The following TANC1 variants were observed in gnomAD, a reference collection of about 807,000 sequenced individuals.
TANC1 encodes the protein tetratricopeptide repeat, ankyrin repeat and coiled-coil containing 1, also known as protein TANC1.
In TANC1, 77 loss-of-function variants were observed where a neutral mutation model predicts 149.7. The observed-to-expected ratio is 0.51, with a 90% CI of 0.43 to 0.62. The LOEUF (loss-of-function observed/expected upper bound fraction) is 0.62, where lower values mean the gene tolerates loss of function less well. TANC1 is among the 20% of genes least tolerant of loss of function. TANC1 has a pLI of 0.00. For missense variants in TANC1, 1,985 were observed against 2,321.8 expected (o/e 0.85, Z 2.98); for synonymous variants, 854 against 925.0 (o/e 0.92, Z 1.39).
chr2:159,167,166 T>G (rs2054686398), intron 8 of TANC1, among the ~76,000 whole-genome samples: 1 of 152,236 alleles, frequency 6.6e-6, no homozygotes, highest in African/African-American at 2.4e-5. Flanking sequence ...AAAGCATCTT[T>G]TTATTCTCTA....
intron 2 of TANC1, among the ~76,000 whole-genome samples, chr2:159,056,449 C>T (rs1195470784): frequency 3.9e-5 from 6 of 152,074 alleles, no homozygotes; most frequent in Admixed American, 6.5e-5. Flanking sequence ...GTAGCTGAGA[C>T]TACAGGCGCC....
Position 159,169,519 on chromosome 2 carries a change from C to CT in TANC1, c.1069+148dup, listed in dbSNP as rs920252561. ...GCTAAAAGCATATCTGTGAGGTGTG[C>CT]TAAGAGGTCATCCTCAACAGTTTGG... On this transcript the variant is annotated intron_variant, in intron 9 of 26. Transcript: ENST00000263635. 10 of 785,988 alleles carry CT rather than the reference C, an allele frequency of 1.3e-5. No homozygotes were observed. The Admixed American group carries it at 2.7e-4, about 21-fold the overall frequency. 48.7% of individuals were successfully genotyped at this position (785,988 alleles called of 1,614,324 possible). A position where few individuals can be genotyped will look rare whatever the true frequency, so the allele number is the denominator to read the frequency against.
chr2:159,201,356 C>T (rs982467785), intron 19 of TANC1, among the ~76,000 whole-genome samples: 3 of 152,262 alleles, frequency 2.0e-5, no homozygotes, highest in South Asian at 2.1e-4. Flanking sequence ...GGTCTGTTAC[C>T]GACCCTAAAT....
chr2:159,183,787 G>A (rs888379437), intron 14 of TANC1, among the ~76,000 whole-genome samples: 1 of 152,120 alleles, frequency 6.6e-6, no homozygotes, highest in Non-Finnish European at 1.5e-5. Flanking sequence ...GAGAAATTGG[G>A]AATGTAAGGA....
chr2:158,975,077 A>G (rs1016856769), intron 1 of TANC1, among the ~76,000 whole-genome samples: 2 of 151,980 alleles, frequency 1.3e-5, no homozygotes, highest in Non-Finnish European at 2.9e-5. Context: ...TCATCTCTAG[A>G]TTATTTATAA....
intron 2 of TANC1, among the ~76,000 whole-genome samples, chr2:159,031,918 C>G (rs1290480632): frequency 6.6e-6 from 1 of 152,152 alleles, no homozygotes; most frequent in African/African-American, 2.4e-5. Flanking sequence ...TCACAGAATC[C>G]TAACATTTAA....
chr2:159,123,437 T>TA (rs1471767010), intron 4 of TANC1, among the ~76,000 whole-genome samples: 14 of 152,212 alleles, frequency 9.2e-5, no homozygotes, highest in African/African-American at 3.1e-4. Context: ...GAGCACCTTC[T>TA]AATCAGTGGA....
intron 4 of TANC1, among the ~76,000 whole-genome samples, chr2:159,127,678 A>G (rs976107512): frequency 3.3e-5 from 5 of 151,836 alleles, no homozygotes; most frequent in African/African-American, 1.2e-4. Flanking sequence ...ATGAGAACAC[A>G]TGGAGAAGAA....
rs780332052 is a variant in TANC1 at position 159,097,649 on chromosome 2, G to T, written c.74G>T (p.Gly25Val). Residue 25 changes from glycine to valine, a missense_variant, in exon 4 of 27, where the codon GGT (glycine) becomes GTT (valine). This residue lies in a region of TANC1 where 557 missense variants were observed against 612.9 expected (regional missense o/e 0.91). Transcript: ENST00000263635. ...CTCTCTACTCTAGGAAGTGACTTTG[G>T]TCCAGAGACTTCTCCAGTCCTGCAC... ...GGKKEAGSDF[G>V]PETSPVLHLD... 1.9e-6 allele frequency: 3 copies of T among 1,613,820 alleles called. No homozygotes were observed. In the Admixed American group the frequency reaches 5.0e-5, roughly 27 times the overall value.
chr2:159,148,978 A>G (rs2052463689), intron 5 of TANC1, 164 bp from the exon 6 acceptor site: 1 of 733,250 alleles, frequency 1.4e-6, no homozygotes, highest in South Asian at 2.4e-5. Flanking sequence ...CAGTCCCTTA[A>G]TTAGAATGTA....
At chr2:159,227,389 C>G (rs74412920) in intron 24 of TANC1, 140 of 163,948 alleles carry the variant, frequency 8.5e-4, no homozygotes, top group Non-Finnish European at 1.5e-3. Context: ...AGCAAGCTCT[C>G]TAGGTTTATC....
intron 11 of TANC1, among the ~76,000 whole-genome samples, chr2:159,174,697 C>T (rs1035247479): frequency 2.0e-5 from 3 of 151,906 alleles, no homozygotes; most frequent in Admixed American, 6.6e-5. Context: ...ATATTAAATA[C>T]AAAAATAAAA....
chr2:158,985,661 C>G (rs2034912839), intron 1 of TANC1, among the ~76,000 whole-genome samples: 1 of 151,974 alleles, frequency 6.6e-6, no homozygotes, highest in Non-Finnish European at 1.5e-5. Flanking sequence ...CCTTTTCTTC[C>G]AAGACAGAGT....
At chr2:159,207,949 C>T (rs1479357181) in intron 19 of TANC1, among the ~76,000 whole-genome samples, 1 of 151,880 alleles carries the variant, frequency 6.6e-6, no homozygotes, top group East Asian at 1.9e-4. Flanking sequence ...ATAGCATCTT[C>T]CTGTTTTAAT....
intron 19 of TANC1, among the ~76,000 whole-genome samples, chr2:159,207,071 T>C (rs1351135220): frequency 6.6e-6 from 1 of 152,262 alleles, no homozygotes. Context: ...ACACACATTA[T>C]TCCTCAAAGG....
chr2:159,071,540 T>C (rs1010004744), intron 3 of TANC1, among the ~76,000 whole-genome samples: 2 of 152,214 alleles, frequency 1.3e-5, no homozygotes, highest in Non-Finnish European at 2.9e-5. Context: ...CATCTAATTC[T>C]TCACTTTGAA....
At chr2:159,223,959 G>A (rs76990894) in intron 22 of TANC1, among the ~76,000 whole-genome samples, 165 of 152,322 alleles carry the variant, frequency 1.1e-3, no homozygotes, top group African/African-American at 3.8e-3. Context: ...GTGAGACAGA[G>A]ACAGATCACG....
Position 159,224,319 on chromosome 2 carries a change from A to G in TANC1, c.3766A>G (p.Asn1256Asp). The G allele has an allele frequency of 6.2e-7, 1 of 1,614,166 alleles. No individual in the cohort carries two copies. Among genetic ancestry groups the G allele is most frequent in the Non-Finnish European group, 8.5e-7 (1 of 1,180,036 alleles). Residue 1256 changes from asparagine (N) to aspartate (D), a missense_variant, in exon 23 of 27, where the codon AAC becomes GAC. By Grantham distance (23) the Asn-to-Asp change is conservative. Transcript: ENST00000263635. ...RPLDRAIGCR[N>D]TSVVVALLRK... ...CTTGGACAGAGCCATCGGCTGCCGG[A>G]ACACATCTGTAGTGGTGGCGCTACT... is the stretch of plus-strand genomic sequence containing the variant.
chr2:159,199,143 T>A (rs1008510548), intron 19 of TANC1, 90 bp downstream of exon 19: 54 of 870,554 alleles, frequency 6.2e-5, no homozygotes, highest in Non-Finnish European at 9.1e-5. Context: ...ATGACTGATA[T>A]ATGTAGTCCT....
Sources: gnomAD v4.1 joint callset for allele counts (sites outside exome capture counted in the v4.1 genomes callset) on GRCh38, gnomAD v4.1.1 for gene constraint, gnomAD v4.1.1 regional missense constraint, MANE v1.5 for transcripts, NCBI Gene and HGNC (gene_info 2026-07-23, HGNC 2026-07-21) for gene names.